The following ZNF318 variants were observed in gnomAD, a reference collection of about 807,000 sequenced individuals.
ZNF318 encodes the protein endocrine regulator.
ZNF318 carries 51 observed loss-of-function variants against 124.2 expected under a neutral mutation model. The observed-to-expected ratio is 0.41, with a 90% confidence interval of 0.33 to 0.52. ZNF318 has a LOEUF of 0.52. ZNF318 is among the 20% of genes least tolerant of loss of function. ZNF318 has a pLI of 0.23. For synonymous variants in ZNF318, 1,090 were observed against 1,040.7 expected, an observed-to-expected ratio of 1.05 and a Z score of -0.91; for missense variants, 2,815 against 2,811.2, an observed-to-expected ratio of 1.00 and a Z score of -0.03.
At chr6:43,364,290 C>A in intron 2 of ZNF318, 4 of 364,942 alleles carry the variant, frequency 1.1e-5, no homozygotes, top group African/African-American at 2.3e-5. Flanking sequence ...GTGGCTACAA[C>A]ATAGGGTTTT....
At position 43,337,911 on chromosome 6, in the gene ZNF318, T is replaced by C; in HGVS notation, c.6087A>G (p.Val2029=). 1 of 1,614,230 alleles carries C rather than the reference T, an allele frequency of 6.2e-7. No individual in the cohort carries two copies. The highest frequency in any genetic ancestry group is 8.5e-7 in the Non-Finnish European group (1 of 1,180,032). ...DMPVDFCTTR[V]SPAHRSPTVL... ...CAGTTGGGGATCTATGTGCTGGGCTTACCCGAGTAGTGCAGAAATCAACAG... is the reference window on the plus strand; with the variant it reads ...CAGTTGGGGATCTATGTGCTGGGCTCACCCGAGTAGTGCAGAAATCAACAG... The change falls in exon 10 of 10, where the codon GTA becomes GTG. Residue 2029 remains valine (V), a synonymous_variant. Transcript: ENST00000361428.
chr6:43,369,100 G>C lies in ZNF318; in HGVS notation c.266C>G (p.Ser89Cys). Residue 89 changes from serine (S) to cysteine (C), a missense_variant, in exon 1 of 10, where the codon TCC (serine) becomes TGC (cysteine). Around this residue, in one of 4 missense-constraint regions of ZNF318, gnomAD observed 1,377 missense variants for 1,353.5 expected, o/e 1.02. Coordinates refer to ENST00000361428, the MANE Select transcript of ZNF318 (RefSeq NM_014345.3). ...SPSPPRARRG[S>C]PSPPRGRRLF... The stretch of plus-strand genomic sequence containing the variant: ...TCGTCGGCCCCGCGGTGGCGACGGG[G>C]AGCCGCGACGGGCCCGAGGCGGGGA... 8.0e-7 allele frequency: 1 copy of C among 1,257,030 alleles called. No individual in the cohort carries two copies. The highest frequency in any genetic ancestry group is 1.0e-6 in the Non-Finnish European group (1 of 1,001,356). The allele number at this position is 1,257,030 out of a possible 1,614,324, so 77.9% of individuals were successfully genotyped here.
chr6:43,337,576 T>G lies in ZNF318; in HGVS notation c.6422A>C (p.Glu2141Ala), dbSNP rs1582577576. 10 of 1,614,090 alleles carry G rather than the reference T, an allele frequency of 6.2e-6. No individual in the cohort carries two copies. The highest frequency in any genetic ancestry group is 8.5e-6 in the Non-Finnish European group (10 of 1,179,986). ...CTCTTGTTTGTCTAATTGGGAAGAT[T>G]CTTTTACTTCCTCAGGCATCATTCC... ...AGGMMPEEVK[E>A]SSQLDKQESL... Residue 2141 changes from glutamate (E) to alanine (A), a missense_variant, in exon 10 of 10, where the codon GAA (glutamate) becomes GCA (alanine). Transcript: ENST00000361428.
At chr6:43,350,212 TGCAC>T in intron 5 of ZNF318, among the ~76,000 whole-genome samples, 1 of 152,156 alleles carries the variant, frequency 6.6e-6, no homozygotes, top group East Asian at 1.9e-4. Flanking sequence ...ATTGCATCAC[TGCAC>T]TCTAGCCTGG....
At chr6:43,347,140 GAA>G (rs983954980) in intron 6 of ZNF318, among the ~76,000 whole-genome samples, 7 of 152,196 alleles carry the variant, frequency 4.6e-5, no homozygotes, top group African/African-American at 1.7e-4. Context: ...AGTAGATAAG[GAA>G]AGAGTTCGAT....
intron 6 of ZNF318, among the ~76,000 whole-genome samples, chr6:43,347,896 G>GA (rs1779468680): frequency 6.6e-6 from 1 of 152,148 alleles, no homozygotes; most frequent in Non-Finnish European, 1.5e-5. Flanking sequence ...GAAGCCAAGG[G>GA]AAAAGAGTAT....
chr6:43,342,861 C>T lies in ZNF318; in HGVS notation c.3091G>A (p.Glu1031Lys), dbSNP rs897009294. The T allele has an allele frequency of 9.9e-6, 16 of 1,611,822 alleles. No individual in the cohort carries two copies. Among genetic ancestry groups the T allele is most frequent in the Non-Finnish European group, 1.4e-5 (16 of 1,178,376 alleles). ...SSNKESKVNN[E>K]KFRTKSPKPA... ...TTGGGGCTCTTAGTACGAAACTTCT[C>T]ATTGTTTACTTTTGATTCCTAGAGG... Residue 1031 changes from glutamate (E) to lysine (K), a missense_variant, in exon 7 of 10, where the codon GAG becomes AAG. By Grantham distance (56) the Glu-to-Lys change is moderately conservative. Coordinates refer to ENST00000361428, the MANE Select transcript of ZNF318 (RefSeq NM_014345.3).
chr6:43,362,143 G>C (rs1220377010), intron 2 of ZNF318, among the ~76,000 whole-genome samples: 2 of 152,038 alleles, frequency 1.3e-5, no homozygotes, highest in East Asian at 1.9e-4. Flanking sequence ...TGGGTGACAA[G>C]AGTGAGACCC....
At chr6:43,353,494 C>T (rs36034990) in intron 4 of ZNF318, among the ~76,000 whole-genome samples, 2,453 of 152,056 alleles carry the variant, frequency 0.016, 31 homozygotes, top group Non-Finnish European at 0.026. Context: ...CCTGCCACAG[C>T]CTCCTGAGTA....
Position 43,367,314 on chromosome 6 carries a change from G to T in ZNF318, c.399+1653C>A, listed in dbSNP as rs139533593. Reference sequence around the variant, plus strand: ...TTTGTTGTATCCCCAGGGTAGTCCAGAACAGTCCTAATGCAAAGTAGATGC... The same window carrying T: ...TTTGTTGTATCCCCAGGGTAGTCCATAACAGTCCTAATGCAAAGTAGATGC... On this transcript the variant is annotated intron_variant, in intron 1 of 9. Transcript: ENST00000361428. Among the ~76,000 whole-genome samples the T allele has an allele frequency of 5.5e-3, 835 of 152,276 alleles. 6 individuals carry two copies. Among genetic ancestry groups the T allele is most frequent in the African/African-American group, 0.019 (797 of 41,550 alleles).
intron 2 of ZNF318, among the ~76,000 whole-genome samples, chr6:43,360,447 C>T (rs1163748897): frequency 6.6e-6 from 1 of 152,110 alleles, no homozygotes; most frequent in African/African-American, 2.4e-5. Context: ...GATGGATACT[C>T]CCGGAAAGCC....
At chr6:43,346,524 C>CAA (rs59587962) in intron 6 of ZNF318, among the ~76,000 whole-genome samples, 3,747 of 104,412 alleles carry the variant, frequency 0.036, 134 homozygotes, top group African/African-American at 0.11. Context: ...CATCTTTAAC[C>CAA]AAAAAAAAAA....
intron 1 of ZNF318, among the ~76,000 whole-genome samples, chr6:43,367,471 G>GTATT (rs1779777282): frequency 1.3e-5 from 2 of 152,198 alleles, no homozygotes; most frequent in Non-Finnish European, 2.9e-5. Context: ...CCATGCAAGA[G>GTATT]GTAATAGGGC....
In ZNF318 at chr6:43,369,417, A is replaced by G; in HGVS notation, c.-52T>C. On this transcript the variant is annotated 5_prime_UTR_variant, in exon 1 of 10. Transcript: ENST00000361428. ...CAGCTCTGACCCGGGGGCGCCCTAG[A>G]CGCAGGCTCGGAGCGCGCCGCCGCA... 8.6e-7 allele frequency: 1 copy of G among 1,160,466 alleles called. No individual in the cohort carries two copies. The highest frequency in any genetic ancestry group is 4.0e-5 in the South Asian group (1 of 25,242). The allele number at this position is 1,160,466 out of a possible 1,614,324, so 71.9% of individuals were successfully genotyped here.
In ZNF318 at chr6:43,341,124, G is replaced by C. The variant is rs548782213; in HGVS notation, c.3377-216C>G. On this transcript the variant is annotated intron_variant, in intron 8 of 9. Transcript: ENST00000361428. ...GTCCTCTATTTCTTCTACCTCTTGG[G>C]AACATTATACTGGTTAATTTAGGAG... Among the ~76,000 whole-genome samples the C allele has an allele frequency of 3.0e-3, 458 of 152,210 alleles. 3 individuals carry two copies. The highest frequency in any genetic ancestry group is 4.7e-3 in the Non-Finnish European group (318 of 68,008).
rs576913370 is a variant in ZNF318, at chr6:43,368,848, T to C, written c.399+119A>G. On this transcript the variant is annotated intron_variant, in intron 1 of 9. Coordinates refer to ENST00000361428, the MANE Select transcript of ZNF318 (RefSeq NM_014345.3). ...TCCAGGCTCGGCATCCCCGAGGGAG[T>C]TGGCCGGAGGCTTCGCGCTTAGGAC... 9.7e-6 allele frequency: 12 copies of C among 1,235,184 alleles called. No individual in the cohort carries two copies. In the Admixed American group the frequency reaches 1.7e-4, roughly 17 times the overall value. The allele number at this position is 1,235,184 out of a possible 1,614,324, so 76.5% of individuals were successfully genotyped here.
At chr6:43,345,677 G>A (rs1372179253) in intron 6 of ZNF318, among the ~76,000 whole-genome samples, 1 of 152,134 alleles carries the variant, frequency 6.6e-6, no homozygotes, top group African/African-American at 2.4e-5. Flanking sequence ...CTCCTAGGAA[G>A]ACATGGAAAA....
At chr6:43,363,909 GCA>G in intron 2 of ZNF318, 1 of 682,464 alleles carries the variant, frequency 1.5e-6, no homozygotes, top group East Asian at 2.7e-5. Context: ...TTCTCCCTGT[GCA>G]CAGAGGCTAC....
At chr6:43,365,477 G>A in intron 1 of ZNF318, 37 bp from the exon 2 acceptor site, 3 of 1,591,834 alleles carry the variant, frequency 1.9e-6, no homozygotes, top group African/African-American at 1.3e-5. Context: ...AGTCAATAGG[G>A]TCAAGACATC....
Sources: allele counts gnomAD v4.1 joint callset (sites outside exome capture counted in the v4.1 genomes callset), GRCh38; gene constraint gnomAD v4.1.1; regional missense constraint gnomAD v4.1.1; transcripts MANE v1.5; gene names NCBI Gene and HGNC (gene_info 2026-07-23, HGNC 2026-07-21).